MRC2: variants seen among roughly 807,000 people sequenced by gnomAD.
MRC2 encodes C-type mannose receptor 2.
Under a neutral mutation model 206.2 loss-of-function variants are expected in MRC2, and 84 were observed. That is an observed-to-expected ratio of 0.41 (90% CI 0.34 to 0.49). The LOEUF is 0.49. Ranked by LOEUF, MRC2 falls within the 20% of genes least tolerant of loss-of-function variation. The pLI, the probability that MRC2 is intolerant of heterozygous loss-of-function variation, is 0.31. For missense variants in MRC2, 1,676 were observed against 2,001.5 expected (o/e 0.84, Z 3.10); for synonymous variants, 798 against 800.0 (o/e 1.00, Z 0.04).
intron 1 of MRC2, among the ~76,000 whole-genome samples, chr17:62,644,224 G>A (rs2088446463): frequency 6.6e-6 from 1 of 151,764 alleles, no homozygotes; most frequent in South Asian, 2.1e-4. Context: ...TTTGAGACCA[G>A]CCTGACTGAC....
chr17:62,640,017 C>CTTTT (rs56703312), intron 1 of MRC2, among the ~76,000 whole-genome samples: 48 of 74,350 alleles, frequency 6.5e-4, no homozygotes, highest in Non-Finnish European at 7.3e-4. Flanking sequence ...CCATGCCCAG[C>CTTTT]TTTTTTTTTT....
At chr17:62,678,682 C>T (rs1487328533) in intron 13 of MRC2, 36 bp downstream of exon 13, 13 of 1,594,326 alleles carry the variant, frequency 8.2e-6, no homozygotes, top group Non-Finnish European at 1.1e-5. Flanking sequence ...AGGAGGGCAC[C>T]CGCACACGTG....
intron 10 of MRC2, 72 bp from the exon 11 acceptor site, chr17:62,676,311 A>G: frequency 6.3e-7 from 1 of 1,577,294 alleles, no homozygotes; most frequent in South Asian, 1.1e-5. Flanking sequence ...CTCCCACGGT[A>G]GGGCGTCTGG....
chr17:62,686,111 C>T (rs375804707), intron 20 of MRC2, among the ~76,000 whole-genome samples: 6 of 152,096 alleles, frequency 3.9e-5, no homozygotes, highest in Admixed American at 1.3e-4. Context: ...ATAAGGAGCA[C>T]GCAACCTAGA....
chr17:62,635,020 G>T (rs561363060), intron 1 of MRC2, among the ~76,000 whole-genome samples: 1 of 151,620 alleles, frequency 6.6e-6, no homozygotes, highest in African/African-American at 2.4e-5. Context: ...TAGTGGAGAC[G>T]GGGTTTTACC....
At chr17:62,678,670 TTA>T (rs1491588383) in intron 13 of MRC2, 24 bp downstream of exon 13, 1 of 1,600,732 alleles carries the variant, frequency 6.2e-7, no homozygotes, top group Non-Finnish European at 8.5e-7. Flanking sequence ...CTGAGGCGTG[TTA>T]GGAGGGCACC....
At chr17:62,676,611 G>C (rs1009897968) in intron 11 of MRC2, 80 bp downstream of exon 11, 52 of 1,504,328 alleles carry the variant, frequency 3.5e-5, no homozygotes, top group Non-Finnish European at 4.4e-5. Context: ...CCGAGCCCCA[G>C]GGCTTCCCCA....
chr17:62,690,090 C>A, intron 25 of MRC2, 28 bp downstream of exon 25: 2 of 1,583,538 alleles, frequency 1.3e-6, no homozygotes. Context: ...AGGGCGGGGG[C>A]ATGGGCAAGC....
intron 10 of MRC2, 43 bp from the exon 11 acceptor site, chr17:62,676,340 G>A: frequency 6.2e-7 from 1 of 1,608,228 alleles, no homozygotes; most frequent in South Asian, 1.1e-5. Context: ...TGGGGGATTG[G>A]GAAGCAGGGA....
Position 62,692,374 on chromosome 17 carries a change from A to G in MRC2, c.4363A>G (p.Ser1455Gly), listed in dbSNP as rs1250957867. 1 of 1,573,584 alleles carries G rather than the reference A, an allele frequency of 6.4e-7. No homozygotes were observed. Among genetic ancestry groups the G allele is most frequent in the Admixed American group, 1.9e-5 (1 of 53,054 alleles). ...CTTTGAGGGTGCCCGCTACAGCCGC[A>G]GCAGCTCCAGCCCCACCGAGGCCAC... is the stretch of plus-strand genomic sequence containing the variant. ...GAFEGARYSR[S>G]SSSPTEATEK... is the part of the protein sequence containing the mutation. The change falls in exon 30 of 30, where the codon AGC becomes GGC. Residue 1455 changes from serine to glycine, a missense_variant. Coordinates refer to ENST00000303375, the MANE Select transcript of MRC2 (RefSeq NM_006039.5). This position sits in a 1 kb window ranked among gnomAD's most constrained non-coding sequence, Gnocchi z 4.2.
chr17:62,682,020 T>G, intron 19 of MRC2, 83 bp downstream of exon 19: 1 of 1,280,998 alleles, frequency 7.8e-7, no homozygotes, highest in Non-Finnish European at 1.1e-6. Flanking sequence ...GTCATCAGTC[T>G]GTTCTCATTC....
chr17:62,672,174 C>T lies in MRC2; in HGVS notation c.1461+22C>T. 1 of 1,613,466 alleles carries T rather than the reference C, an allele frequency of 6.2e-7. No homozygotes were observed. The highest frequency in any genetic ancestry group is 1.3e-5 in the African/African-American group (1 of 74,996). ...CCCGGTGAGATCTCCCTCTCCCTAT[C>T]ACAGGGCCACAAAATACACCCCCAA... On this transcript the variant is annotated intron_variant, in intron 8 of 29. Coordinates refer to ENST00000303375, the MANE Select transcript of MRC2 (RefSeq NM_006039.5). This position sits in a 1 kb window ranked among gnomAD's most constrained non-coding sequence, Gnocchi z 4.5.
intron 8 of MRC2, among the ~76,000 whole-genome samples, chr17:62,673,804 C>CGCCGCGCT (rs1568064803): frequency 6.6e-6 from 1 of 152,120 alleles, no homozygotes; most frequent in African/African-American, 2.4e-5. Flanking sequence ...GCCACCGCGC[C>CGCCGCGCT]GGGCCAGGAT....
At chr17:62,644,234 C>A (rs149112803) in intron 1 of MRC2, among the ~76,000 whole-genome samples, 3 of 151,604 alleles carry the variant, frequency 2.0e-5, no homozygotes, top group African/African-American at 7.3e-5. Context: ...GCCTGACTGA[C>A]GTGGTGAAAC....
intron 1 of MRC2, among the ~76,000 whole-genome samples, chr17:62,634,716 C>A (rs567127956): frequency 1.3e-5 from 2 of 152,262 alleles, no homozygotes; most frequent in East Asian, 3.9e-4. Context: ...CCGGTGTCAT[C>A]CTGTGGCTTA....
At position 62,675,740 on chromosome 17, in the gene MRC2, G is replaced by C. The variant is rs1173324398; in HGVS notation, c.1570-50G>C. ...ACCACAGGATTTATGGGTGAGGGTG[G>C]AGAGTCATCTTCCCTACAGACACCC... is the stretch of plus-strand genomic sequence containing the variant. On this transcript the variant is annotated intron_variant, in intron 9 of 29. Transcript: ENST00000303375. The surrounding 1 kb of genome is among the most constrained non-coding windows in gnomAD (Gnocchi z 4.1). The C allele has an allele frequency of 7.8e-6, 11 of 1,411,362 alleles. No individual in the cohort carries two copies. Among genetic ancestry groups the C allele is most frequent in the African/African-American group, 1.4e-5 (1 of 70,818 alleles). The allele number at this position is 1,411,362 out of a possible 1,614,324, so 87.4% of individuals were successfully genotyped here.
intron 1 of MRC2, among the ~76,000 whole-genome samples, chr17:62,658,969 C>T (rs572691305): frequency 6.6e-5 from 10 of 152,230 alleles, no homozygotes; most frequent in African/African-American, 1.7e-4. Context: ...AACACAATAC[C>T]GTTAACAGAT....
chr17:62,628,242 A>G (rs1026232650), intron 1 of MRC2, among the ~76,000 whole-genome samples: 4 of 151,848 alleles, frequency 2.6e-5, no homozygotes, highest in Non-Finnish European at 5.9e-5. Flanking sequence ...GCGCTCCCGG[A>G]CCACCCGGCG....
At chr17:62,636,280 C>T (rs1020784871) in intron 1 of MRC2, among the ~76,000 whole-genome samples, 2 of 150,778 alleles carry the variant, frequency 1.3e-5, no homozygotes, top group African/African-American at 4.9e-5. Context: ...AATGCATGCT[C>T]AGTGGAAAAC....
Sources: gnomAD v4.1 joint callset for allele counts (sites outside exome capture counted in the v4.1 genomes callset) on GRCh38, gnomAD v4.1.1 for gene constraint, Gnocchi (gnomAD v3.1) non-coding constraint, MANE v1.5 for transcripts, NCBI Gene and HGNC (gene_info 2026-07-23, HGNC 2026-07-21) for gene names.